Variants in TNFAIP2 observed in about 807,000 individuals in gnomAD.
TNFAIP2 encodes tumor necrosis factor alpha-induced protein 2.
A neutral mutation model predicts 63.5 loss-of-function variants in TNFAIP2; 47 were observed. The ratio of observed to expected loss-of-function variants is 0.74; its 90% CI spans 0.59 to 0.94. The LOEUF is 0.94. Ranked by LOEUF, TNFAIP2 falls within the 40% of genes least tolerant of loss-of-function variation. The pLI is 0.00. For synonymous variants in TNFAIP2, 405 were observed against 390.2 expected (o/e 1.04, Z -0.45); for missense variants, 787 against 850.2 (o/e 0.93, Z 0.92).
rs978775026 is a variant in TNFAIP2, at chr14:103,135,994, G to A, written c.*634G>A. ...GGCCCCTACAGGCTGGCCCTGCAAT[G>A]GGGCCCTGAGCCCTCCCTCTTCATC... On this transcript the variant is annotated 3_prime_UTR_variant, in exon 12 of 12. Transcript: ENST00000560869. This position sits in a 1 kb window ranked among gnomAD's most constrained non-coding sequence, Gnocchi z 7.6. 3.9e-6 allele frequency: 5 copies of A among 1,288,566 alleles called. No individual in the cohort carries two copies. The African/African-American group carries it at 4.6e-5, about 12-fold the overall frequency. The allele number at this position is 1,288,566 out of a possible 1,614,324, so 79.8% of individuals were successfully genotyped here.
intron 11 of TNFAIP2, among the ~76,000 whole-genome samples, chr14:103,134,259 C>G (rs1189018948): frequency 1.3e-5 from 2 of 152,232 alleles, no homozygotes; most frequent in African/African-American, 4.8e-5. Flanking sequence ...GGGCTGGGTC[C>G]TCTGACATGT....
intron 2 of TNFAIP2, 21 bp downstream of exon 2, chr14:103,126,713 A>G: frequency 6.4e-7 from 1 of 1,555,798 alleles, no homozygotes; most frequent in Non-Finnish European, 8.7e-7. Context: ...ACCCTGGGTT[A>G]GAGCTAGTCT....
At chr14:103,129,891 C>T in intron 4 of TNFAIP2, 37 bp downstream of exon 4, 1 of 1,608,790 alleles carries the variant, frequency 6.2e-7, no homozygotes, top group South Asian at 1.1e-5. Context: ...GGCAGGGAGG[C>T]AGCAGAGGAG....
rs772001488 is a variant in TNFAIP2, at chr14:103,135,399, AG to A, written c.*40del. The A allele has an allele frequency of 6.4e-7, 1 of 1,565,868 alleles. No individual in the cohort carries two copies. The highest frequency in any genetic ancestry group is 8.6e-7 in the Non-Finnish European group (1 of 1,157,116). On this transcript the variant is annotated 3_prime_UTR_variant, in exon 12 of 12. Coordinates refer to ENST00000560869, the MANE Select transcript of TNFAIP2 (RefSeq NM_006291.4). The surrounding 1 kb of genome is among the most constrained non-coding windows in gnomAD (Gnocchi z 7.6). The stretch of plus-strand genomic sequence containing the variant: ...CTGACCTGCCTGTGAGTGCCCAGCA[AG>A]CCTTGGGCACACCCCGCTGGGAGCT...
intron 11 of TNFAIP2, 71 bp downstream of exon 11, chr14:103,133,874 G>C (rs2088042630): frequency 6.6e-7 from 1 of 1,512,664 alleles, no homozygotes; most frequent in Non-Finnish European, 8.8e-7. Flanking sequence ...CTGGCATTGG[G>C]AACCCAGATC....
At chr14:103,124,793 T>C (rs2087820075) in intron 1 of TNFAIP2, among the ~76,000 whole-genome samples, 1 of 152,210 alleles carries the variant, frequency 6.6e-6, no homozygotes, top group Non-Finnish European at 1.5e-5. Context: ...CTCTTGGTCC[T>C]GGAGTGGAAT....
In TNFAIP2 at chr14:103,125,108, G is replaced by A. The variant is rs150203207; in HGVS notation, c.-149+1157G>A. On this transcript the variant is annotated intron_variant, in intron 1 of 11. Coordinates refer to ENST00000560869, the MANE Select transcript of TNFAIP2 (RefSeq NM_006291.4). ...GGTGGATCATCCTGCCTGCCTTGCA[G>A]GGCTGTTTCAGGGGTCACTTGAAGT... 2.4e-3 allele frequency among the ~76,000 whole-genome samples: 364 copies of A among 152,378 alleles called. 2 individuals carry two copies. Among genetic ancestry groups the A allele is most frequent in the African/African-American group, 8.3e-3 (347 of 41,590 alleles).
At chr14:103,124,158 A>T (rs763737773) in intron 1 of TNFAIP2, among the ~76,000 whole-genome samples, 31 of 152,198 alleles carry the variant, frequency 2.0e-4, no homozygotes, top group Non-Finnish European at 2.5e-4. Flanking sequence ...GACTCAGGAC[A>T]CAGGAGACTC....
At position 103,136,690 on chromosome 14, in the gene TNFAIP2, G is replaced by C. The variant is rs2088101064; in HGVS notation, c.*1330G>C. On this transcript the variant is annotated 3_prime_UTR_variant, in exon 12 of 12. Transcript: ENST00000560869. The stretch of plus-strand genomic sequence containing the variant: ...CACGCCCAGCTACATATTTTTTGTG[G>C]ATACAGGGTCTCATTCTGTTGCCTA... 1 of 152,008 alleles carries C rather than the reference G, an allele frequency of 6.6e-6. No individual in the cohort carries two copies. The highest frequency in any genetic ancestry group is 2.4e-5 in the African/African-American group (1 of 41,348). 9.4% of individuals were successfully genotyped at this position (152,008 alleles called of 1,614,324 possible). A position where few individuals can be genotyped will look rare whatever the true frequency, so the allele number is the denominator to read the frequency against.
At chr14:103,130,150 C>T (rs373312952) in intron 5 of TNFAIP2, 26 bp downstream of exon 5, 94 of 1,605,436 alleles carry the variant, frequency 5.9e-5, no homozygotes, top group Non-Finnish European at 7.7e-5. Flanking sequence ...CCAGGGCACA[C>T]GTACCGCCCG....
At position 103,131,573 on chromosome 14, in the gene TNFAIP2, G is replaced by T. The variant is rs952159787; in HGVS notation, c.1299-66G>T. On this transcript the variant is annotated intron_variant, in intron 7 of 11. Coordinates refer to ENST00000560869, the MANE Select transcript of TNFAIP2 (RefSeq NM_006291.4). This position sits in a 1 kb window ranked among gnomAD's most constrained non-coding sequence, Gnocchi z 4.0. ...CTAGAGTGAAGAGAGGGGGCTGTCT[G>T]GCTCCCTGGGTATGGGGCTATAGGC... 2 of 1,508,444 alleles carry T rather than the reference G, an allele frequency of 1.3e-6. No homozygotes were observed. The highest frequency in any genetic ancestry group is 1.4e-5 in the African/African-American group (1 of 72,608). The allele number at this position is 1,508,444 out of a possible 1,614,324, so 93.4% of individuals were successfully genotyped here. A position where few individuals can be genotyped will look rare whatever the true frequency, so the allele number is the denominator to read the frequency against.
chr14:103,131,877 AGGCCTGT>A lies in TNFAIP2; in HGVS notation c.1422+118_1422+124del. On this transcript the variant is annotated intron_variant, in intron 8 of 11. Transcript: ENST00000560869. The surrounding 1 kb of genome is among the most constrained non-coding windows in gnomAD (Gnocchi z 4.0). ...CAAAGATGTGGGGAAGACACGCTCC[AGGCCTGT>A]GGACGGCACCGTGGGCCAGCTCTGG... 1 of 1,427,124 alleles carries A rather than the reference AGGCCTGT, an allele frequency of 7.0e-7. No individual in the cohort carries two copies. The highest frequency in any genetic ancestry group is 1.4e-5 in the African/African-American group (1 of 70,724). The allele number at this position is 1,427,124 out of a possible 1,614,324, so 88.4% of individuals were successfully genotyped here.
intron 2 of TNFAIP2, 51 bp from the exon 3 acceptor site, chr14:103,126,953 GC>G: frequency 7.8e-7 from 1 of 1,283,790 alleles, no homozygotes; most frequent in Non-Finnish European, 9.8e-7. Flanking sequence ...TGGCCGCCCC[GC>G]CCGGTGGGCG....
upstream of TNFAIP2, among the ~76,000 whole-genome samples, chr14:103,121,881 G>C (rs1214515688): frequency 1.3e-4 from 20 of 152,156 alleles, no homozygotes; most frequent in East Asian, 2.5e-3. Flanking sequence ...GAATGGGAGG[G>C]GGGGTGAGGG....
chr14:103,135,332 C>A lies in TNFAIP2; in HGVS notation c.1937C>A (p.Pro646His), dbSNP rs764875591. ...VSMGAQEPSR[P>H]LFSLIKVG ...ATGGGGGCGCAGGAGCCCTCCCGGC[C>A]CCTATTTTCCCTTATAAAGGTTGGT... Residue 646 changes from proline (P) to histidine (H), a missense_variant, in exon 12 of 12, where the codon CCC (proline) becomes CAC (histidine). Pro to His is a moderately conservative substitution (Grantham distance 77). This residue lies in a region of TNFAIP2 where 523 missense variants were observed against 604.1 expected (regional missense o/e 0.87). Coordinates refer to ENST00000560869, the MANE Select transcript of TNFAIP2 (RefSeq NM_006291.4). The surrounding 1 kb of genome is among the most constrained non-coding windows in gnomAD (Gnocchi z 7.6). 6.2e-7 allele frequency: 1 copy of A among 1,611,700 alleles called. No individual in the cohort carries two copies. The highest frequency in any genetic ancestry group is 8.5e-7 in the Non-Finnish European group (1 of 1,178,936).
rs573738510 is a variant in TNFAIP2 at position 103,128,946 on chromosome 14, G to A, written c.861-794G>A. On this transcript the variant is annotated intron_variant, in intron 3 of 11. Transcript: ENST00000560869. ...CCAGGGGGGCATCGTTGAAGCCTGTGTGCCAGAAATGTGGGGAACGGAGGG... is the reference window on the plus strand; with the variant it reads ...CCAGGGGGGCATCGTTGAAGCCTGTATGCCAGAAATGTGGGGAACGGAGGG... 2.0e-5 allele frequency among the ~76,000 whole-genome samples: 3 copies of A among 152,350 alleles called. No individual in the cohort carries two copies. The South Asian group carries it at 6.2e-4, about 32-fold the overall frequency.
rs1212693510 is a variant in TNFAIP2 at position 103,136,019 on chromosome 14, C to T, written c.*659C>T. 2 of 1,281,878 alleles carry T rather than the reference C, an allele frequency of 1.6e-6. No homozygotes were observed. The highest frequency in any genetic ancestry group is 1.2e-5 in the South Asian group (1 of 80,478). 79.4% of individuals were successfully genotyped at this position (1,281,878 alleles called of 1,614,324 possible). A position where few individuals can be genotyped will look rare whatever the true frequency, so the allele number is the denominator to read the frequency against. ...GGGGCCCTGAGCCCTCCCTCTTCAT[C>T]CCCCAAGGCCTCAACTAGAGGGTGG... On this transcript the variant is annotated 3_prime_UTR_variant, in exon 12 of 12. Transcript: ENST00000560869.
chr14:103,132,665 G>A (rs1216069476), intron 8 of TNFAIP2, 85 bp from the exon 9 acceptor site: 1 of 1,532,548 alleles, frequency 6.5e-7, no homozygotes, highest in South Asian at 1.2e-5. Context: ...GTCGGTGTGT[G>A]TCTGTGTCTG....
intron 3 of TNFAIP2, among the ~76,000 whole-genome samples, chr14:103,129,507 G>T (rs559880062): frequency 5.6e-4 from 4 of 7,164 alleles, no homozygotes; most frequent in Admixed American, 1.7e-3. Context: ...GACCTAATGG[G>T]GGGGGGGTGG....
Sources: allele counts gnomAD v4.1 joint callset (sites outside exome capture counted in the v4.1 genomes callset), GRCh38; gene constraint gnomAD v4.1.1; regional missense constraint gnomAD v4.1.1; non-coding constraint Gnocchi (gnomAD v3.1); transcripts MANE v1.5; gene names NCBI Gene and HGNC (gene_info 2026-07-23, HGNC 2026-07-21).